The following LZTS1 variants were observed in gnomAD, a reference collection of about 807,000 sequenced individuals.
LZTS1 encodes the protein leucine zipper putative tumor suppressor 1.
LZTS1 carries 31 observed loss-of-function variants against 45.8 expected under a neutral mutation model. The observed-to-expected ratio is 0.68, with a 90% confidence interval of 0.51 to 0.91. The LOEUF (loss-of-function observed/expected upper bound fraction) is 0.91, where lower values mean the gene tolerates loss of function less well. LZTS1 is among the 40% of genes least tolerant of loss of function. The pLI is 0.00. For missense variants in LZTS1, 821 were observed against 788.9 expected, an observed-to-expected ratio of 1.04 and a Z score of -0.49; for synonymous variants, 359 against 357.3, an observed-to-expected ratio of 1.00 and a Z score of -0.05.
intron 1 of LZTS1, among the ~76,000 whole-genome samples, chr8:20,275,612 G>A (rs930287292): frequency 1.3e-5 from 2 of 151,992 alleles, no homozygotes; most frequent in African/African-American, 2.4e-5. Context: ...GAAAGAGAAG[G>A]AAACAAGGAA....
intron 1 of LZTS1, among the ~76,000 whole-genome samples, chr8:20,284,865 A>G (rs935042396): frequency 6.6e-6 from 1 of 152,150 alleles, no homozygotes; most frequent in African/African-American, 2.4e-5. Context: ...CCCATAGCCT[A>G]TCTCATCAAG....
intron 1 of LZTS1, among the ~76,000 whole-genome samples, chr8:20,286,187 T>C (rs1381145036): frequency 6.6e-6 from 1 of 152,162 alleles, no homozygotes; most frequent in Non-Finnish European, 1.5e-5. Flanking sequence ...AGGTCTCAAC[T>C]TGGAATGAAA....
Position 20,250,275 on chromosome 8 carries a change from A to G in LZTS1, c.1238T>C (p.Leu413Pro), listed in dbSNP as rs766101595. The G allele has an allele frequency of 3.3e-5, 53 of 1,613,726 alleles. No homozygotes were observed. The highest frequency in any genetic ancestry group is 4.3e-5 in the Non-Finnish European group (51 of 1,179,986). The change falls in exon 4 of 4, where the codon CTG becomes CCG. Residue 413 changes from leucine to proline, a missense_variant. Transcript: ENST00000381569. ...TEVNAKASEILGLKAQLKDTR... is the reference protein window; with the variant it reads ...TEVNAKASEIPGLKAQLKDTR... ...GTCCTTCAGCTGTGCCTTGAGACCC[A>G]GGATCTCGCTAGCCTTGGCGTTCAC... is the stretch of plus-strand genomic sequence containing the variant.
intron 1 of LZTS1, among the ~76,000 whole-genome samples, chr8:20,299,502 C>G (rs1801036452): frequency 6.6e-6 from 1 of 152,222 alleles, no homozygotes; most frequent in Non-Finnish European, 1.5e-5. Context: ...AAATTTTAGT[C>G]TCTAAGCATT....
Position 20,252,821 on chromosome 8 carries a change from C to T in LZTS1, c.1110G>A (p.Lys370=). Residue 370 remains lysine, a synonymous_variant, in exon 3 of 4, where the codon AAG becomes AAA. Coordinates refer to ENST00000381569, the MANE Select transcript of LZTS1 (RefSeq NM_021020.5). ...ETKLRSYERE[K]TSFGPALEET... is the part of the protein sequence containing the mutation. ...CCTCCAGCGCGGGGCCGAAGCTGGT[C>T]TTCTCCCTCTCGTAGGACCTGAGCT... The T allele has an allele frequency of 1.3e-6, 2 of 1,548,368 alleles. No homozygotes were observed. Among genetic ancestry groups the T allele is most frequent in the East Asian group, 2.3e-5 (1 of 44,122 alleles).
At chr8:20,265,225 G>A (rs750838018) in intron 1 of LZTS1, among the ~76,000 whole-genome samples, 5 of 152,142 alleles carry the variant, frequency 3.3e-5, no homozygotes, top group East Asian at 1.9e-4. Context: ...TGGGAACCAC[G>A]CCTTCGCTTT....
intron 1 of LZTS1, among the ~76,000 whole-genome samples, chr8:20,273,380 A>T (rs1482775244): frequency 6.6e-6 from 1 of 151,956 alleles, no homozygotes; most frequent in Non-Finnish European, 1.5e-5. Context: ...TTAGATCGTT[A>T]TCTGCAGCCA....
rs544404314 is a variant in LZTS1, at chr8:20,284,328, G to A, written c.-135+19412C>T. ...AGGGAGTCACTGGATGAAGGACTGA[G>A]CTAACAGGATGAGCACAGCCAAGGC... On this transcript the variant is annotated intron_variant, in intron 1 of 3. Coordinates refer to ENST00000381569, the MANE Select transcript of LZTS1 (RefSeq NM_021020.5). 8.1e-4 allele frequency among the ~76,000 whole-genome samples: 123 copies of A among 152,334 alleles called. 3 individuals are homozygous for A. In the South Asian group the frequency reaches 0.022, roughly 28 times the overall value.
At chr8:20,302,478 A>G (rs1170718354) in intron 1 of LZTS1, among the ~76,000 whole-genome samples, 1 of 152,146 alleles carries the variant, frequency 6.6e-6, no homozygotes, top group African/African-American at 2.4e-5. Context: ...TCAGGTTGCA[A>G]ACACCCTCTT....
chr8:20,288,672 G>A lies in LZTS1; in HGVS notation c.-135+15068C>T, dbSNP rs146519308. ...CTAGCAATACACACGCACAGGCATCGAGCACATGGCTCTCCCACCACTGGG... is the reference window on the plus strand; with the variant it reads ...CTAGCAATACACACGCACAGGCATCAAGCACATGGCTCTCCCACCACTGGG... On this transcript the variant is annotated intron_variant, in intron 1 of 3. Coordinates refer to ENST00000381569, the MANE Select transcript of LZTS1 (RefSeq NM_021020.5). Among the ~76,000 whole-genome samples the A allele has an allele frequency of 7.2e-5, 11 of 152,258 alleles. No individual in the cohort carries two copies. In the East Asian group the frequency reaches 1.5e-3, roughly 21 times the overall value.
intron 1 of LZTS1, among the ~76,000 whole-genome samples, chr8:20,287,225 C>T (rs1166903972): frequency 1.4e-5 from 2 of 143,200 alleles, no homozygotes; most frequent in Non-Finnish European, 2.9e-5. Flanking sequence ...AGAATTCAAG[C>T]CCACACTATG....
chr8:20,259,827 T>C (rs1293518391), intron 1 of LZTS1, among the ~76,000 whole-genome samples: 1 of 152,170 alleles, frequency 6.6e-6, no homozygotes, highest in East Asian at 1.9e-4. Context: ...CCCTCCCCGA[T>C]TACTTTCTAC....
intron 1 of LZTS1, among the ~76,000 whole-genome samples, chr8:20,267,149 C>G (rs934027549): frequency 6.6e-6 from 1 of 151,698 alleles, no homozygotes; most frequent in Non-Finnish European, 1.5e-5. Flanking sequence ...AAAACAGCTA[C>G]TCTCTTATCC....
intron 1 of LZTS1, among the ~76,000 whole-genome samples, chr8:20,278,127 C>A (rs1800620535): frequency 1.3e-5 from 2 of 152,136 alleles, no homozygotes; most frequent in South Asian, 4.1e-4. Flanking sequence ...TTGGTCACAG[C>A]TGGTGCCAGG....
At chr8:20,302,966 C>T (rs1030210147) in intron 1 of LZTS1, among the ~76,000 whole-genome samples, 16 of 152,022 alleles carry the variant, frequency 1.1e-4, no homozygotes, top group African/African-American at 3.9e-4. Flanking sequence ...TGCCAAGCTG[C>T]GACCTCTGAA....
chr8:20,251,918 T>C (rs1389069399), intron 3 of LZTS1, among the ~76,000 whole-genome samples: 1 of 152,114 alleles, frequency 6.6e-6, no homozygotes, highest in Non-Finnish European at 1.5e-5. Context: ...CTGCCAGCAG[T>C]GGGCAAGTTA....
In LZTS1 at chr8:20,249,982, G is replaced by A. The variant is rs1799843835; in HGVS notation, c.1531C>T (p.Leu511=). 1 of 1,613,608 alleles carries A rather than the reference G, an allele frequency of 6.2e-7. No individual in the cohort carries two copies. The highest frequency in any genetic ancestry group is 1.3e-5 in the African/African-American group (1 of 74,940). The change falls in exon 4 of 4, where the codon CTG becomes TTG. Residue 511 remains leucine (L), a synonymous_variant. Transcript: ENST00000381569. ...QRELERLRAE[L]REERQGHDQM... is the part of the protein sequence containing the mutation. Reference sequence around the variant, plus strand: ...TCATGGCCTTGCCGCTCCTCCCGCAGCTCGGCCCGCAGCCGCTCCAGCTCC... The same window carrying A: ...TCATGGCCTTGCCGCTCCTCCCGCAACTCGGCCCGCAGCCGCTCCAGCTCC...
intron 1 of LZTS1, among the ~76,000 whole-genome samples, chr8:20,268,270 CT>C (rs1800402513): frequency 6.6e-6 from 1 of 151,612 alleles, no homozygotes; most frequent in African/African-American, 2.4e-5. Flanking sequence ...CATCTGCCAG[CT>C]GGGGCTGGGG....
chr8:20,278,386 T>C (rs1800625101), intron 1 of LZTS1, among the ~76,000 whole-genome samples: 1 of 152,232 alleles, frequency 6.6e-6, no homozygotes, highest in South Asian at 2.1e-4. Context: ...GGCAGGCCAC[T>C]GTGCATGTGG....
Sources: gnomAD v4.1 joint callset for allele counts (sites outside exome capture counted in the v4.1 genomes callset) on GRCh38, gnomAD v4.1.1 for gene constraint, MANE v1.5 for transcripts, NCBI Gene and HGNC (gene_info 2026-07-23, HGNC 2026-07-21) for gene names.